The following SGCE variants were observed in gnomAD, a reference collection of about 807,000 sequenced individuals.
SGCE encodes the protein sarcoglycan epsilon.
A neutral mutation model predicts 57.8 loss-of-function variants in SGCE; 26 were observed. The ratio of observed to expected loss-of-function variants is 0.45; its 90% confidence interval spans 0.33 to 0.62. SGCE has a LOEUF of 0.62. Among genes scored for constraint, SGCE ranks in the 20% least tolerant of loss-of-function variants. The pLI, the probability that SGCE is intolerant of heterozygous loss-of-function variation, is 0.02. For missense variants in SGCE, 468 were observed against 548.6 expected (o/e 0.85, Z 1.47); for synonymous variants, 183 against 189.5 (o/e 0.97, Z 0.28).
chr7:94,619,892 C>T (rs918078932), intron 4 of SGCE: 1 of 152,088 alleles, frequency 6.6e-6, no homozygotes, highest in African/African-American at 2.4e-5. Context: ...CTAAAAGAGA[C>T]TGCATATATA....
chr7:94,604,049 G>C (rs1273417554), intron 5 of SGCE, among the ~76,000 whole-genome samples: 1 of 152,068 alleles, frequency 6.6e-6, no homozygotes. Flanking sequence ...TAATATAAGG[G>C]TAAAACTATT....
chr7:94,652,563 T>A (rs1455132005), intron 1 of SGCE, among the ~76,000 whole-genome samples: 1 of 152,246 alleles, frequency 6.6e-6, no homozygotes, highest in East Asian at 1.9e-4. Flanking sequence ...CTTTATTTCC[T>A]TGAGGTTGTC....
intron 1 of SGCE, chr7:94,639,295 T>C (rs1391755030): frequency 2.6e-6 from 3 of 1,174,328 alleles, no homozygotes; most frequent in Non-Finnish European, 3.7e-6. Context: ...AAGCAGACAT[T>C]TAATTGGCTC....
chr7:94,632,331 T>C (rs1282947091), intron 1 of SGCE, among the ~76,000 whole-genome samples: 1 of 152,094 alleles, frequency 6.6e-6, no homozygotes, highest in Non-Finnish European at 1.5e-5. Flanking sequence ...AGAACTTGCA[T>C]AGAACATCTC....
chr7:94,600,974 A>G, intron 6 of SGCE, 117 bp from the exon 7 acceptor site: 1 of 855,114 alleles, frequency 1.2e-6, no homozygotes, highest in Non-Finnish European at 1.9e-6. Flanking sequence ...CATCTTTTCC[A>G]ATTACTTTAT....
At chr7:94,586,077 A>AAC (rs1554336374) in intron 10 of SGCE, among the ~76,000 whole-genome samples, 5 of 150,456 alleles carry the variant, frequency 3.3e-5, no homozygotes, top group Middle Eastern at 3.5e-3. Flanking sequence ...AAAAAAAAAA[A>AAC]AAAAAAAAAA....
chr7:94,641,044 A>C (rs1239318687), intron 1 of SGCE: 1 of 152,342 alleles, frequency 6.6e-6, no homozygotes, highest in Non-Finnish European at 1.5e-5. Context: ...ATACATTAAC[A>C]TATCAAAAGC....
intron 1 of SGCE, among the ~76,000 whole-genome samples, chr7:94,634,709 G>A (rs934152879): frequency 3.9e-5 from 6 of 152,152 alleles, no homozygotes; most frequent in Admixed American, 2.0e-4. Flanking sequence ...TTTGGCTGCC[G>A]AAAGACTCTT....
chr7:94,630,876 C>CTTGGATA (rs1277632350), intron 1 of SGCE, among the ~76,000 whole-genome samples: 2 of 151,910 alleles, frequency 1.3e-5, no homozygotes, highest in Non-Finnish European at 2.9e-5. Flanking sequence ...TACTAAAAGC[C>CTTGGATA]TTGGATAGCA....
chr7:94,588,665 T>G (rs772631193), intron 10 of SGCE, 24 bp downstream of exon 10: 1 of 1,574,808 alleles, frequency 6.3e-7, no homozygotes, highest in South Asian at 1.1e-5. Flanking sequence ...TCATAAACAT[T>G]AATTTATTAT....
chr7:94,640,239 G>GAGA (rs768883604), intron 1 of SGCE, among the ~76,000 whole-genome samples: 2 of 152,122 alleles, frequency 1.3e-5, no homozygotes, highest in African/African-American at 4.8e-5. Context: ...GAAACTATCT[G>GAGA]AGAAGAAGAA....
intron 6 of SGCE, among the ~76,000 whole-genome samples, chr7:94,601,882 TTTTA>T (rs1353193302): frequency 2.6e-5 from 4 of 152,272 alleles, no homozygotes; most frequent in Admixed American, 2.6e-4. Flanking sequence ...TTCTTTTATA[TTTTA>T]TTTATTATGT....
chr7:94,594,821 T>C (rs1772904029), intron 9 of SGCE, among the ~76,000 whole-genome samples: 1 of 152,170 alleles, frequency 6.6e-6, no homozygotes. Flanking sequence ...GCCTTACATT[T>C]CTAGACTATG....
chr7:94,655,088 T>A (rs1319777365), intron 1 of SGCE, among the ~76,000 whole-genome samples: 1 of 152,230 alleles, frequency 6.6e-6, no homozygotes, highest in Non-Finnish European at 1.5e-5. Flanking sequence ...TGTGGCCGAA[T>A]CTCGGCAACC....
chr7:94,638,288 G>A (rs1805872626), intron 1 of SGCE, among the ~76,000 whole-genome samples: 2 of 152,190 alleles, frequency 1.3e-5, no homozygotes, highest in Admixed American at 6.5e-5. Flanking sequence ...TTGTTTCAAA[G>A]TCACTTGAGA....
At chr7:94,623,457 T>C (rs1584664464) in intron 3 of SGCE, 60 bp from the exon 4 acceptor site, 2 of 1,063,860 alleles carry the variant, frequency 1.9e-6, no homozygotes, top group East Asian at 4.9e-5. Flanking sequence ...ATGAAATTCA[T>C]TAAGGATTAA....
intron 1 of SGCE, among the ~76,000 whole-genome samples, chr7:94,654,313 A>C (rs1808285507): frequency 6.6e-6 from 1 of 152,208 alleles, no homozygotes; most frequent in Non-Finnish European, 1.5e-5. Context: ...TTTGAACTTT[A>C]ATTTTTCCTG....
At chr7:94,598,589 C>A (rs913434363) in intron 9 of SGCE, 186 bp downstream of exon 9, 1 of 609,078 alleles carries the variant, frequency 1.6e-6, no homozygotes, top group East Asian at 2.8e-5. Flanking sequence ...AAAAAAAGTG[C>A]ATTTCCTAAA....
Position 94,618,965 on chromosome 7 carries a change from G to C in SGCE, c.464-9C>G. 1 of 1,577,010 alleles carries C rather than the reference G, an allele frequency of 6.3e-7. No individual in the cohort carries two copies. The highest frequency in any genetic ancestry group is 8.7e-7 in the Non-Finnish European group (1 of 1,146,432). On this transcript the variant is annotated splice_polypyrimidine_tract_variant and intron_variant, in intron 4 of 10. Coordinates refer to ENST00000648936, the MANE Select transcript of SGCE (RefSeq NM_003919.3). Reference sequence around the variant, plus strand: ...ATATGGCAACGGGAAGTCTAATTTTGGTGAAAAAGGGCATGCATATCTTTA... The same window carrying C: ...ATATGGCAACGGGAAGTCTAATTTTCGTGAAAAAGGGCATGCATATCTTTA...
Sources: allele counts gnomAD v4.1 joint callset (sites outside exome capture counted in the v4.1 genomes callset), GRCh38; gene constraint gnomAD v4.1.1; transcripts MANE v1.5; gene names NCBI Gene and HGNC (gene_info 2026-07-23, HGNC 2026-07-21).